Variants in ST14 observed in about 807,000 individuals in gnomAD.
ST14 encodes the protein ST14 transmembrane serine protease matriptase, also known as suppressor of tumorigenicity 14 protein.
A neutral mutation model predicts 96.5 loss-of-function variants in ST14; 40 were observed. That is an observed-to-expected ratio of 0.41 (90% CI 0.32 to 0.54). The LOEUF (loss-of-function observed/expected upper bound fraction) is 0.54, where lower values mean the gene tolerates loss of function less well. Ranked by LOEUF, ST14 falls within the 20% of genes least tolerant of loss-of-function variation. The pLI is 0.17. For synonymous variants in ST14, 506 were observed against 492.1 expected, an observed-to-expected ratio of 1.03 and a Z score of -0.37; for missense variants, 1,066 against 1,188.9, an observed-to-expected ratio of 0.90 and a Z score of 1.52.
Position 130,187,602 on chromosome 11 carries a change from T to C in ST14, c.82-512T>C, listed in dbSNP as rs981926597. On this transcript the variant is annotated intron_variant, in intron 1 of 18. Transcript: ENST00000278742. This position sits in a 1 kb window ranked among gnomAD's most constrained non-coding sequence, Gnocchi z 4.5. ...CCGCTGGGTAGGGTGTGCAGTTGAG[T>C]GCTGGCCACAGGCTCCTGGGCCAGG... Among the ~76,000 whole-genome samples, 1 of 151,934 alleles carries C rather than the reference T, an allele frequency of 6.6e-6. No homozygotes were observed. Among genetic ancestry groups the C allele is most frequent in the African/African-American group, 2.4e-5 (1 of 41,358 alleles).
intron 1 of ST14, among the ~76,000 whole-genome samples, chr11:130,185,138 T>C (rs1322945095): frequency 6.6e-6 from 1 of 151,960 alleles, no homozygotes; most frequent in Non-Finnish European, 1.5e-5. Flanking sequence ...AGAGAAAAGA[T>C]ACTCAATGGA....
intron 13 of ST14, 30 bp from the exon 14 acceptor site, chr11:130,198,478 C>T: frequency 1.2e-6 from 2 of 1,613,278 alleles, no homozygotes; most frequent in East Asian, 2.2e-5. Flanking sequence ...GACGGTGGCT[C>T]CTGGTGGCTG....
intron 7 of ST14, among the ~76,000 whole-genome samples, chr11:130,193,582 G>A (rs558644312): frequency 6.6e-6 from 1 of 151,856 alleles, no homozygotes; most frequent in East Asian, 1.9e-4. Flanking sequence ...TGATTCTCCT[G>A]CCTCAGCCTC....
chr11:130,199,082 T>A lies in ST14; in HGVS notation c.1807+13T>A. ...GAGAAGGACTGCGGTGAGCAGGGCA[T>A]CCGAGTACGGTTGTGCAGGTTGTTC... On this transcript the variant is annotated intron_variant, in intron 15 of 18. Transcript: ENST00000278742. 1 of 1,612,284 alleles carries A rather than the reference T, an allele frequency of 6.2e-7. No homozygotes were observed. Among genetic ancestry groups the A allele is most frequent in the Non-Finnish European group, 8.5e-7 (1 of 1,179,316 alleles).
intron 17 of ST14, 145 bp from the exon 18 acceptor site, chr11:130,209,297 T>G (rs1364350870): frequency 9.1e-7 from 1 of 1,097,994 alleles, no homozygotes; most frequent in Non-Finnish European, 1.3e-6. Flanking sequence ...CAGAGCCCAC[T>G]GAGTAGACGC....
At chr11:130,176,388 T>A (rs894682996) in intron 1 of ST14, among the ~76,000 whole-genome samples, 47 of 151,822 alleles carry the variant, frequency 3.1e-4, no homozygotes, top group African/African-American at 1.1e-3. Flanking sequence ...TTTTTCTTTT[T>A]CTTTTCTTTT....
chr11:130,202,129 G>C (rs1953435301), intron 16 of ST14, among the ~76,000 whole-genome samples: 1 of 152,230 alleles, frequency 6.6e-6, no homozygotes, highest in African/African-American at 2.4e-5. Context: ...TTAGCAGGTA[G>C]AGCTAGGAAA....
intron 1 of ST14, among the ~76,000 whole-genome samples, chr11:130,183,097 C>T (rs1446768444): frequency 2.0e-5 from 3 of 151,934 alleles, no homozygotes; most frequent in African/African-American, 7.3e-5. Flanking sequence ...GCTGGGATTA[C>T]AGGCGTCCAC....
chr11:130,188,641 G>T lies in ST14; in HGVS notation c.353G>T (p.Ser118Ile). 1.2e-6 allele frequency: 2 copies of T among 1,614,214 alleles called. No individual in the cohort carries two copies. Among genetic ancestry groups the T allele is most frequent in the Non-Finnish European group, 1.7e-6 (2 of 1,180,032 alleles). ...SNSTEFVSLASKVKDALKLLY... is the reference protein window; with the variant it reads ...SNSTEFVSLAIKVKDALKLLY... Reference sequence around the variant, plus strand: ...TCCACTGAGTTTGTAAGCCTGGCCAGCAAGGTGAAGGACGCGGTGAGTGCA... The same window carrying T: ...TCCACTGAGTTTGTAAGCCTGGCCATCAAGGTGAAGGACGCGGTGAGTGCA... The change falls in exon 3 of 19, where the codon AGC (serine) becomes ATC (isoleucine). Residue 118 changes from serine (S) to isoleucine (I), a missense_variant. Coordinates refer to ENST00000278742, the MANE Select transcript of ST14 (RefSeq NM_021978.4). The surrounding 1 kb of genome is among the most constrained non-coding windows in gnomAD (Gnocchi z 5.4).
chr11:130,208,428 G>T lies in ST14; in HGVS notation c.2013G>T (p.Gln671His). 6.2e-7 allele frequency: 1 copy of T among 1,614,120 alleles called. No individual in the cohort carries two copies. Among genetic ancestry groups the T allele is most frequent in the Non-Finnish European group, 8.5e-7 (1 of 1,180,044 alleles). Residue 671 changes from glutamine (Q) to histidine (H), a missense_variant, in exon 17 of 19, where the codon CAG becomes CAT. Transcript: ENST00000278742. ...CTACCAGGTACTCAGACCCCACGCA[G>T]TGGACGGCCTTCCTGGGCTTGCACG... The part of the protein sequence containing the change: ...DRGFRYSDPT[Q>H]WTAFLGLHDQ...
At chr11:130,178,899 A>C (rs1953165505) in intron 1 of ST14, among the ~76,000 whole-genome samples, 1 of 152,048 alleles carries the variant, frequency 6.6e-6, no homozygotes, top group Admixed American at 6.5e-5. Flanking sequence ...TCCCAGGAGG[A>C]GCTGGAGTGT....
intron 1 of ST14, among the ~76,000 whole-genome samples, chr11:130,171,832 A>G (rs1050460807): frequency 2.0e-5 from 3 of 152,258 alleles, no homozygotes; most frequent in Admixed American, 6.5e-5. Flanking sequence ...AAATGTATAG[A>G]TTAAACATCC....
rs1246048468 is a variant in ST14, at chr11:130,210,032, C to T, written c.*209C>T. ...GGAGCTGGGAGGTAGAAGGGGAGGA[C>T]ACTGGTGGTTCTACTGACCCAACTG... On this transcript the variant is annotated 3_prime_UTR_variant, in exon 19 of 19. Coordinates refer to ENST00000278742, the MANE Select transcript of ST14 (RefSeq NM_021978.4). 3 of 648,444 alleles carry T rather than the reference C, an allele frequency of 4.6e-6. No homozygotes were observed. The highest frequency in any genetic ancestry group is 2.8e-5 in the East Asian group (1 of 35,420). 40.2% of individuals were successfully genotyped at this position (648,444 alleles called of 1,614,324 possible). A position where few individuals can be genotyped will look rare whatever the true frequency, so the allele number is the denominator to read the frequency against.
intron 1 of ST14, among the ~76,000 whole-genome samples, chr11:130,182,731 T>A (rs532389456): frequency 4.0e-5 from 6 of 149,552 alleles, no homozygotes; most frequent in Admixed American, 2.7e-4. Flanking sequence ...CTCACTGCAA[T>A]CTCCGCCTCC....
chr11:130,198,160 G>C (rs1953388081), intron 12 of ST14, 148 bp from the exon 13 acceptor site: 1 of 922,200 alleles, frequency 1.1e-6, no homozygotes, highest in East Asian at 2.4e-5. Context: ...GAAGTGCTGA[G>C]GTCAGCTTGG....
chr11:130,188,579 A>C lies in ST14; in HGVS notation c.291A>C (p.Thr97=), dbSNP rs1467863160. The change falls in exon 3 of 19, where the codon ACA becomes ACC. Residue 97 remains threonine (T), a synonymous_variant. Transcript: ENST00000278742. The surrounding 1 kb of genome is among the most constrained non-coding windows in gnomAD (Gnocchi z 5.4). Reference sequence around the variant, plus strand: ...TCTTCAATGGCTACATGAGGATCACAAATGAGAATTTTGTGGATGCCTACG... The same window carrying C: ...TCTTCAATGGCTACATGAGGATCACCAATGAGAATTTTGTGGATGCCTACG... ...QKVFNGYMRI[T]NENFVDAYEN... 2 of 1,614,226 alleles carry C rather than the reference A, an allele frequency of 1.2e-6. No individual in the cohort carries two copies. The highest frequency in any genetic ancestry group is 1.7e-6 in the Non-Finnish European group (2 of 1,180,026).
At chr11:130,200,636 C>G (rs925909981) in intron 16 of ST14, among the ~76,000 whole-genome samples, 2 of 152,196 alleles carry the variant, frequency 1.3e-5, no homozygotes, top group African/African-American at 2.4e-5. Context: ...GGACAAGCAT[C>G]CAAACCAAAT....
At position 130,209,671 on chromosome 11, in the gene ST14, G is replaced by A; in HGVS notation, c.2416G>A (p.Gly806Arg). Reference sequence around the variant, plus strand: ...GCTTGTCTCCGCCCAGGGTGATTCCGGGGGACCCCTGTCCAGCGTGGAGGC... The same window carrying A: ...GCTTGTCTCCGCCCAGGGTGATTCCAGGGGACCCCTGTCCAGCGTGGAGGC... ...GGVDSCQGDS[G>R]GPLSSVEADG... The change falls in exon 19 of 19, where the codon GGG becomes AGG. Residue 806 changes from glycine (G) to arginine (R), a missense_variant. Transcript: ENST00000278742. 6.2e-7 allele frequency: 1 copy of A among 1,611,984 alleles called. No individual in the cohort carries two copies. Among genetic ancestry groups the A allele is most frequent in the Non-Finnish European group, 8.5e-7 (1 of 1,179,314 alleles).
Position 130,159,935 on chromosome 11 carries a change from C to G in ST14, c.-45C>G. On this transcript the variant is annotated 5_prime_UTR_variant, in exon 1 of 19. Coordinates refer to ENST00000278742, the MANE Select transcript of ST14 (RefSeq NM_021978.4). ...CCTGCGGGCCATGGGAGCCGGCCGCCGGCAGGGACGACGCCTGTGAGACCC... is the reference window on the plus strand; with the variant it reads ...CCTGCGGGCCATGGGAGCCGGCCGCGGGCAGGGACGACGCCTGTGAGACCC... The G allele has an allele frequency of 8.4e-7, 1 of 1,193,704 alleles. No homozygotes were observed. The highest frequency in any genetic ancestry group is 1.1e-6 in the Non-Finnish European group (1 of 942,702). 73.9% of individuals were successfully genotyped at this position (1,193,704 alleles called of 1,614,324 possible).
Sources: allele counts gnomAD v4.1 joint callset (sites outside exome capture counted in the v4.1 genomes callset), GRCh38; gene constraint gnomAD v4.1.1; non-coding constraint Gnocchi (gnomAD v3.1); transcripts MANE v1.5; gene names NCBI Gene and HGNC (gene_info 2026-07-23, HGNC 2026-07-21).